DLGAP1: variants seen among roughly 807,000 people sequenced by gnomAD.
DLGAP1 encodes DLG associated protein 1.
Under a neutral mutation model 90.8 loss-of-function variants are expected in DLGAP1, and 11 were observed. The ratio of observed to expected loss-of-function variants is 0.12; its 90% confidence interval spans 0.08 to 0.20. DLGAP1 has a LOEUF of 0.20. DLGAP1 is among the 10% of genes least tolerant of loss of function. The pLI is 1.00. For missense variants in DLGAP1, 1,050 were observed against 1,333.8 expected (o/e 0.79, Z 3.31); for synonymous variants, 558 against 540.7 (o/e 1.03, Z -0.44).
chr18:3,915,567 T>C (rs1655031331), intron 3 of DLGAP1, among the ~76,000 whole-genome samples: 2 of 152,238 alleles, frequency 1.3e-5, no homozygotes, highest in Non-Finnish European at 2.9e-5. Context: ...ATGATTGATC[T>C]GTTCCTGGGA....
At chr18:3,506,624 A>G (rs1262944120) in intron 11 of DLGAP1, among the ~76,000 whole-genome samples, 1 of 151,816 alleles carries the variant, frequency 6.6e-6, no homozygotes, top group African/African-American at 2.4e-5. Flanking sequence ...AATATGTACA[A>G]TGTTTACACT....
intron 1 of DLGAP1, among the ~76,000 whole-genome samples, chr18:4,211,830 T>A (rs889134273): frequency 1.3e-5 from 2 of 152,186 alleles, no homozygotes; most frequent in Non-Finnish European, 2.9e-5. Context: ...AAAGTCACTG[T>A]AGTAATGAAG....
chr18:3,563,934 T>A (rs1252165216), intron 9 of DLGAP1, among the ~76,000 whole-genome samples: 2 of 152,204 alleles, frequency 1.3e-5, no homozygotes, highest in Admixed American at 1.3e-4. Flanking sequence ...TCTTTTTAAA[T>A]CTCTCTTAGA....
At chr18:4,256,339 A>T (rs2078887047) in intron 1 of DLGAP1, among the ~76,000 whole-genome samples, 1 of 152,160 alleles carries the variant, frequency 6.6e-6, no homozygotes, top group Non-Finnish European at 1.5e-5. Context: ...GGTCGAGGTT[A>T]CAGTGAACTA....
chr18:4,048,275 A>G (rs2075084985), intron 2 of DLGAP1, among the ~76,000 whole-genome samples: 4 of 152,242 alleles, frequency 2.6e-5, no homozygotes, highest in Non-Finnish European at 1.5e-5. Flanking sequence ...AAGAAATGTA[A>G]TTGCTCATAT....
intron 1 of DLGAP1, among the ~76,000 whole-genome samples, chr18:4,347,118 C>G (rs1260688365): frequency 6.6e-6 from 1 of 151,912 alleles, no homozygotes; most frequent in Non-Finnish European, 1.5e-5. Flanking sequence ...ACACAGTTTT[C>G]CAGAGAATCA....
In DLGAP1 at chr18:3,919,068, T is replaced by C. The variant is rs150874702; in HGVS notation, c.-72-38928A>G. ...TTTTGTCAAAATAACATTAATACCA[T>C]GTCAAGAAGACGCCTGGATATAGGT... On this transcript the variant is annotated intron_variant, in intron 3 of 12. Transcript: ENST00000315677. Among the ~76,000 whole-genome samples, 908 of 150,132 alleles carry C rather than the reference T, an allele frequency of 6.0e-3. 9 individuals carry two copies. The highest frequency in any genetic ancestry group is 0.01 in the Non-Finnish European group (710 of 67,858).
intron 1 of DLGAP1, among the ~76,000 whole-genome samples, chr18:4,258,601 G>C (rs1053989837): frequency 6.6e-6 from 1 of 151,966 alleles, no homozygotes; most frequent in African/African-American, 2.4e-5. Context: ...AGTGGGAAAA[G>C]TGAAAAAATA....
chr18:3,718,884 C>T (rs2061859770), intron 7 of DLGAP1, among the ~76,000 whole-genome samples: 1 of 147,716 alleles, frequency 6.8e-6, no homozygotes. Context: ...CGAGATTGCG[C>T]CACTGCACTC....
chr18:3,741,058 TCAC>T (rs1430015496), intron 6 of DLGAP1, among the ~76,000 whole-genome samples: 69 of 25,856 alleles, frequency 2.7e-3, no homozygotes, highest in African/African-American at 5.0e-3. Context: ...ACCACCACCA[TCAC>T]CACCACCACC....
At chr18:4,247,727 A>G (rs2078684106) in intron 1 of DLGAP1, among the ~76,000 whole-genome samples, 2 of 152,116 alleles carry the variant, frequency 1.3e-5, no homozygotes, top group Admixed American at 1.3e-4. Context: ...CAGTGAGCCC[A>G]TATCGCACCA....
chr18:4,050,182 C>T (rs998429278), intron 2 of DLGAP1, among the ~76,000 whole-genome samples: 7 of 152,122 alleles, frequency 4.6e-5, no homozygotes, highest in African/African-American at 1.7e-4. Context: ...TTCTGTCTTG[C>T]CCTGTTTCTC....
chr18:4,200,969 C>G (rs2077595723), intron 1 of DLGAP1, among the ~76,000 whole-genome samples: 1 of 152,062 alleles, frequency 6.6e-6, no homozygotes, highest in African/African-American at 2.4e-5. Flanking sequence ...TCCACAACTT[C>G]ACAACATTGT....
intron 5 of DLGAP1, among the ~76,000 whole-genome samples, chr18:3,772,368 CTTTCTTTCTT>C: frequency 7.6e-5 from 1 of 13,186 alleles, no homozygotes; most frequent in African/African-American, 1.3e-4. Context: ...TTCTTTCTTT[CTTTCTTTCTT>C]TCTTTCTTTC....
At chr18:4,333,952 C>T (rs981182527) in intron 1 of DLGAP1, among the ~76,000 whole-genome samples, 1 of 151,190 alleles carries the variant, frequency 6.6e-6, no homozygotes, top group African/African-American at 2.4e-5. Flanking sequence ...AAGACCCACA[C>T]CTCAGGCCAG....
chr18:4,382,942 C>T (rs1487423686), intron 1 of DLGAP1, among the ~76,000 whole-genome samples: 3 of 152,102 alleles, frequency 2.0e-5, no homozygotes, highest in Admixed American at 2.0e-4. Context: ...GCCAGGGCAA[C>T]TAAGAACCTT....
At chr18:3,741,007 A>C (rs2062904363) in intron 6 of DLGAP1, among the ~76,000 whole-genome samples, 4 of 89,130 alleles carry the variant, frequency 4.5e-5, no homozygotes, top group African/African-American at 1.4e-4. Flanking sequence ...CCTCACCACC[A>C]CCACCACCAT....
intron 4 of DLGAP1, among the ~76,000 whole-genome samples, chr18:3,835,223 A>G (rs1327536922): frequency 1.3e-5 from 2 of 152,220 alleles, no homozygotes; most frequent in Non-Finnish European, 2.9e-5. Context: ...ATACTTAAAA[A>G]TAGATGAGAT....
chr18:3,701,248 A>G (rs1269046885), intron 7 of DLGAP1, among the ~76,000 whole-genome samples: 1 of 152,142 alleles, frequency 6.6e-6, no homozygotes, highest in African/African-American at 2.4e-5. Flanking sequence ...CTCAAGAAGA[A>G]AGAACCAAAC....
Sources: allele counts gnomAD v4.1 joint callset (sites outside exome capture counted in the v4.1 genomes callset), GRCh38; gene constraint gnomAD v4.1.1; transcripts MANE v1.5; gene names NCBI Gene and HGNC (gene_info 2026-07-23, HGNC 2026-07-21).